Variants in CSMD1 observed in about 807,000 individuals in gnomAD.
The protein encoded by CSMD1 is CUB and sushi domain-containing protein 1.
In CSMD1, 213 loss-of-function variants were observed where a neutral mutation model predicts 417.5. The ratio of observed to expected loss-of-function variants is 0.51; its 90% CI spans 0.46 to 0.57. The LOEUF is 0.57. Among genes scored for constraint, CSMD1 ranks in the 20% least tolerant of loss-of-function variants. The probability of loss-of-function intolerance (pLI) is 0.00; values close to 1 mark genes in which losing one functional copy is unlikely to be tolerated. For missense variants in CSMD1, 6,923 were observed against 4,529.7 expected (o/e 1.53, Z -15.17); for synonymous variants, 2,862 against 1,736.8 (o/e 1.65, Z -16.11).
At chr8:4,654,531 G>A (rs1185521281) in intron 1 of CSMD1, among the ~76,000 whole-genome samples, 1 of 152,074 alleles carries the variant, frequency 6.6e-6, no homozygotes, top group Admixed American at 6.5e-5. Context: ...CGTTTGCTGA[G>A]AGGCACAGTG....
At chr8:3,615,339 C>T (rs78653777) in intron 8 of CSMD1, among the ~76,000 whole-genome samples, 15,430 of 152,146 alleles carry the variant, frequency 0.1, 1,000 homozygotes, top group East Asian at 0.27. Context: ...TAAAAACATC[C>T]TTCTGCTTAG....
intron 6 of CSMD1, among the ~76,000 whole-genome samples, chr8:3,716,418 C>G (rs1487106626): frequency 6.6e-6 from 1 of 152,162 alleles, no homozygotes; most frequent in African/African-American, 2.4e-5. Context: ...TGATGATATG[C>G]TAAACAAGGG....
intron 10 of CSMD1, among the ~76,000 whole-genome samples, chr8:3,502,386 T>G (rs926310008): frequency 9.4e-6 from 1 of 106,632 alleles, no homozygotes; most frequent in Non-Finnish European, 2.0e-5. Context: ...AAAAAAGAAG[T>G]ATTTCCACAC....
chr8:4,666,555 G>A (rs369880406), intron 1 of CSMD1, among the ~76,000 whole-genome samples: 1 of 152,114 alleles, frequency 6.6e-6, no homozygotes, highest in Admixed American at 6.5e-5. Flanking sequence ...ACCAATTTTG[G>A]ACTTCTGACT....
intron 2 of CSMD1, among the ~76,000 whole-genome samples, chr8:4,477,234 C>A (rs531893893): frequency 3.9e-5 from 6 of 152,326 alleles, no homozygotes; most frequent in Admixed American, 3.3e-4. Context: ...AGTGACAGAG[C>A]TACCTAGGGC....
chr8:4,073,008 T>A (rs1359778255), intron 3 of CSMD1, among the ~76,000 whole-genome samples: 1 of 152,198 alleles, frequency 6.6e-6, no homozygotes. Context: ...ACTCTATATG[T>A]AAGGACCAAC....
intron 1 of CSMD1, among the ~76,000 whole-genome samples, chr8:4,879,554 A>G (rs1478685611): frequency 6.6e-6 from 1 of 152,070 alleles, no homozygotes; most frequent in Non-Finnish European, 1.5e-5. Context: ...AAGAAAATGA[A>G]TACGATTTCT....
intron 3 of CSMD1, among the ~76,000 whole-genome samples, chr8:4,189,258 C>A (rs1361011118): frequency 6.6e-6 from 1 of 152,146 alleles, no homozygotes; most frequent in Non-Finnish European, 1.5e-5. Flanking sequence ...CTTTGCCCAT[C>A]TGTAGAGAAA....
intron 3 of CSMD1, among the ~76,000 whole-genome samples, chr8:4,104,174 G>C (rs1017006860): frequency 6.6e-6 from 1 of 152,178 alleles, no homozygotes; most frequent in Non-Finnish European, 1.5e-5. Flanking sequence ...ATTTTCACTG[G>C]AATTTAGTTC....
chr8:3,893,144 C>G (rs886707556), intron 5 of CSMD1, among the ~76,000 whole-genome samples: 29 of 151,540 alleles, frequency 1.9e-4, no homozygotes, highest in Non-Finnish European at 4.0e-4. Context: ...AAAAGGTAAT[C>G]AAAGAGTCTT....
chr8:3,578,108 C>T (rs1800227614), intron 9 of CSMD1, among the ~76,000 whole-genome samples: 1 of 152,224 alleles, frequency 6.6e-6, no homozygotes, highest in Non-Finnish European at 1.5e-5. Context: ...ACATACAGTC[C>T]TCCATCTAGC....
chr8:4,050,401 T>A (rs1457434242), intron 3 of CSMD1, among the ~76,000 whole-genome samples: 1 of 152,182 alleles, frequency 6.6e-6, no homozygotes, highest in African/African-American at 2.4e-5. Flanking sequence ...TTTTAATTTT[T>A]AAAATTTTAT....
intron 3 of CSMD1, among the ~76,000 whole-genome samples, chr8:4,344,875 G>T (rs1413038206): frequency 6.6e-6 from 1 of 152,090 alleles, no homozygotes; most frequent in Non-Finnish European, 1.5e-5. Flanking sequence ...TAGCGATAAG[G>T]ACAACTCAAA....
intron 1 of CSMD1, among the ~76,000 whole-genome samples, chr8:4,690,557 G>C (rs1276142213): frequency 1.3e-5 from 2 of 152,120 alleles, no homozygotes; most frequent in African/African-American, 2.4e-5. Context: ...TCGCACTTCA[G>C]AAAAAGGATG....
intron 23 of CSMD1, among the ~76,000 whole-genome samples, chr8:3,325,449 C>A (rs1806462780): frequency 2.0e-5 from 3 of 152,216 alleles, no homozygotes; most frequent in Non-Finnish European, 1.5e-5. Flanking sequence ...TTTATGTCAT[C>A]CTCCTCTAGG....
chr8:4,098,558 G>T (rs908851366), intron 3 of CSMD1, among the ~76,000 whole-genome samples: 1 of 152,070 alleles, frequency 6.6e-6, no homozygotes, highest in Non-Finnish European at 1.5e-5. Context: ...GATTCAGTCA[G>T]TGGATTCGGC....
chr8:4,572,939 G>C (rs999539773), intron 2 of CSMD1, among the ~76,000 whole-genome samples: 4 of 152,118 alleles, frequency 2.6e-5, no homozygotes. Flanking sequence ...GCGTCATGAA[G>C]TCCTTGTGCC....
intron 26 of CSMD1, among the ~76,000 whole-genome samples, chr8:3,277,055 C>T (rs1206814678): frequency 1.3e-5 from 2 of 152,028 alleles, no homozygotes; most frequent in African/African-American, 4.8e-5. Flanking sequence ...ATTTCTTGTG[C>T]AACAAGGCGG....
intron 3 of CSMD1, among the ~76,000 whole-genome samples, chr8:4,040,291 C>A (rs1288396433): frequency 6.6e-6 from 1 of 152,190 alleles, no homozygotes; most frequent in Non-Finnish European, 1.5e-5. Flanking sequence ...ACACTATGTG[C>A]TAGACACTGT....
Sources: gnomAD v4.1 joint callset for allele counts (sites outside exome capture counted in the v4.1 genomes callset) on GRCh38, gnomAD v4.1.1 for gene constraint, MANE v1.5 for transcripts, NCBI Gene and HGNC (gene_info 2026-07-23, HGNC 2026-07-21) for gene names.